The following DPY30 variants were observed in gnomAD, a reference collection of about 807,000 sequenced individuals.
DPY30 encodes dpy-30 histone methyltransferase complex regulatory subunit, also known as protein dpy-30 homolog.
In DPY30, 6 loss-of-function variants were observed where a neutral mutation model predicts 16.2. The observed-to-expected ratio is 0.37, with a 90% confidence interval of 0.20 to 0.73. The LOEUF (loss-of-function observed/expected upper bound fraction) is 0.73. Among genes scored for constraint, DPY30 ranks in the 30% least tolerant of loss-of-function variants. DPY30 has a pLI of 0.51. For synonymous variants in DPY30, 39 were observed against 38.8 expected (o/e 1.00, Z -0.02); for missense variants, 73 against 113.1 (o/e 0.65, Z 1.61).
chr2:32,018,609 C>A (rs992014378), intron 5 of DPY30, among the ~76,000 whole-genome samples: 3 of 152,096 alleles, frequency 2.0e-5, no homozygotes, highest in Admixed American at 1.3e-4. Context: ...CACCTGTAGT[C>A]CCAGCTATTC....
downstream of DPY30, among the ~76,000 whole-genome samples, chr2:32,019,293 C>T (rs1675124146): frequency 6.6e-6 from 1 of 152,090 alleles, no homozygotes; most frequent in Admixed American, 6.5e-5. Flanking sequence ...CTAGCTAGAT[C>T]AGTGGGACTA....
downstream of DPY30, among the ~76,000 whole-genome samples, chr2:32,019,381 T>C (rs548777130): frequency 4.6e-5 from 7 of 152,250 alleles, no homozygotes; most frequent in East Asian, 1.4e-3. Flanking sequence ...GGCGTGGTGG[T>C]GCATGCCTGT....
intron 5 of DPY30, among the ~76,000 whole-genome samples, chr2:32,016,920 T>G (rs1675076736): frequency 6.6e-6 from 1 of 152,192 alleles, no homozygotes; most frequent in South Asian, 2.1e-4. Flanking sequence ...TGTCATTCTG[T>G]CACCCAGGCT....
At chr2:32,037,260 T>C (rs1675778873) in intron 3 of DPY30, among the ~76,000 whole-genome samples, 1 of 152,168 alleles carries the variant, frequency 6.6e-6, no homozygotes, top group South Asian at 2.1e-4. Context: ...TGTGGATAAA[T>C]GTAAAATTCT....
chr2:32,038,947 G>A (rs1675859365), intron 3 of DPY30, among the ~76,000 whole-genome samples: 1 of 152,088 alleles, frequency 6.6e-6, no homozygotes, highest in East Asian at 1.9e-4. Flanking sequence ...CGCGCCCGGC[G>A]AAGGGTTTCT....
downstream of DPY30, among the ~76,000 whole-genome samples, chr2:32,021,736 G>A (rs1397630157): frequency 6.6e-6 from 1 of 151,118 alleles, no homozygotes; most frequent in Non-Finnish European, 1.5e-5. Context: ...TGTTCACCAG[G>A]TGACAGCTTT....
At chr2:32,028,302 A>G (rs1352241346) in intron 4 of DPY30, among the ~76,000 whole-genome samples, 4 of 152,060 alleles carry the variant, frequency 2.6e-5, no homozygotes, top group Admixed American at 6.6e-5. Context: ...TGGTTCCATC[A>G]AGTTCTTTAT....
chr2:32,025,817 C>T, intron 4 of DPY30, among the ~76,000 whole-genome samples: 1 of 147,096 alleles, frequency 6.8e-6, no homozygotes, highest in Non-Finnish European at 1.5e-5. Context: ...AAAAACAACA[C>T]CGTACTTGGG....
chr2:32,018,510 G>A (rs1246897846), intron 5 of DPY30, among the ~76,000 whole-genome samples: 6 of 152,114 alleles, frequency 3.9e-5, no homozygotes, highest in Non-Finnish European at 7.4e-5. Flanking sequence ...GGTGGATCAC[G>A]AGGTCAGGAG....
chr2:32,037,926 A>ATT (rs1675807978), intron 3 of DPY30, among the ~76,000 whole-genome samples: 6 of 152,090 alleles, frequency 3.9e-5, no homozygotes, highest in Middle Eastern at 6.9e-3. Context: ...ATTTCTAAGC[A>ATT]CAGTAATAAT....
rs1675375742 is a variant in DPY30, at chr2:32,027,520, A to T, written c.227+2074T>A. Among the ~76,000 whole-genome samples, 3 of 149,932 alleles carry T rather than the reference A, an allele frequency of 2.0e-5. No homozygotes were observed. The South Asian group carries it at 6.3e-4, about 32-fold the overall frequency. ...ATTCCAGCCCTGGGTAACAAGAACAAAACTCTGTCTCAAAAAAAAAAAAAA... is the reference window on the plus strand; with the variant it reads ...ATTCCAGCCCTGGGTAACAAGAACATAACTCTGTCTCAAAAAAAAAAAAAA... On this transcript the variant is annotated intron_variant, in intron 4 of 4. Coordinates refer to ENST00000342166, the MANE Select transcript of DPY30 (RefSeq NM_001321209.2).
intron 5 of DPY30, chr2:32,013,171 G>C (rs1485811747): frequency 1.3e-5 from 2 of 152,064 alleles, no homozygotes; most frequent in African/African-American, 2.4e-5. Context: ...GAATTATTAA[G>C]GTATGTTAAA....
rs534536429 is a variant in DPY30 at position 32,017,897 on chromosome 2, T to G, written n.377+5525A>C. ...TTATGAGTGGGGGATCTTTCAGAGG[T>G]AATTCAGTCATTTTATGAATGGATT... On this transcript the variant is annotated intron_variant and non_coding_transcript_variant, in intron 5 of 5. Coordinates refer to the DPY30 transcript ENST00000414013. Among the ~76,000 whole-genome samples the G allele has an allele frequency of 5.1e-4, 78 of 152,278 alleles. No individual in the cohort carries two copies. In the South Asian group the frequency reaches 0.016, roughly 30 times the overall value.
chr2:32,025,922 C>T (rs1018165391), intron 4 of DPY30, among the ~76,000 whole-genome samples: 9 of 151,726 alleles, frequency 5.9e-5, no homozygotes, highest in Admixed American at 6.6e-5. Flanking sequence ...AACCTGGCAA[C>T]GTGACAAAAC....
chr2:32,038,432 G>GA (rs1675837177), intron 3 of DPY30, among the ~76,000 whole-genome samples: 1 of 88,568 alleles, frequency 1.1e-5, no homozygotes, highest in African/African-American at 4.3e-5. Flanking sequence ...CGGGGGGAGG[G>GA]AAATAGGGAC....
At chr2:32,012,800 T>C (rs758999465) in intron 5 of DPY30, among the ~76,000 whole-genome samples, 20 of 152,186 alleles carry the variant, frequency 1.3e-4, no homozygotes, top group African/African-American at 1.7e-4. Flanking sequence ...GGTACTGTTC[T>C]GACAGTACCA....
intron 4 of DPY30, 116 bp downstream of exon 4, chr2:32,029,478 C>CT (rs1675452990): frequency 5.5e-6 from 7 of 1,266,920 alleles, no homozygotes; most frequent in South Asian, 4.7e-5. Context: ...TTCTTAAAAA[C>CT]TTTAACATCC....
At chr2:32,015,101 A>G (rs1345992387) in intron 5 of DPY30, among the ~76,000 whole-genome samples, 1 of 151,740 alleles carries the variant, frequency 6.6e-6, no homozygotes, top group Non-Finnish European at 1.5e-5. Context: ...AAAAACCTCT[A>G]TTTTTCCATC....
At chr2:32,033,683 A>T (rs1675629974) in intron 3 of DPY30, among the ~76,000 whole-genome samples, 1 of 152,244 alleles carries the variant, frequency 6.6e-6, no homozygotes, top group South Asian at 2.1e-4. Flanking sequence ...AAACAAACAA[A>T]CAAAAAGAGC....
Sources: allele counts gnomAD v4.1 joint callset (sites outside exome capture counted in the v4.1 genomes callset), GRCh38; gene constraint gnomAD v4.1.1; transcripts MANE v1.5; gene names NCBI Gene and HGNC (gene_info 2026-07-23, HGNC 2026-07-21).